The following E2F5 variants were observed in gnomAD, a reference collection of about 807,000 sequenced individuals.
E2F5 encodes E2F transcription factor 5, also known as transcription factor E2F5.
E2F5 carries 23 observed loss-of-function variants against 39.1 expected under a neutral mutation model. The ratio of observed to expected loss-of-function variants is 0.59; its 90% CI spans 0.42 to 0.83. The LOEUF is 0.83. Among genes scored for constraint, E2F5 ranks in the 40% least tolerant of loss-of-function variants. The probability of loss-of-function intolerance (pLI) is 0.00; values close to 1 mark genes in which losing one functional copy is unlikely to be tolerated. For missense variants in E2F5, 365 were observed against 406.7 expected, an observed-to-expected ratio of 0.90 and a Z score of 0.88; for synonymous variants, 145 against 157.8, an observed-to-expected ratio of 0.92 and a Z score of 0.61.
chr8:85,191,899 C>T (rs1463417446), intron 1 of E2F5, among the ~76,000 whole-genome samples: 1 of 152,172 alleles, frequency 6.6e-6, no homozygotes, highest in Non-Finnish European at 1.5e-5. Context: ...CATTCCTAGT[C>T]AGCAAGACAG....
At chr8:85,192,599 G>A (rs1049096713) in intron 1 of E2F5, among the ~76,000 whole-genome samples, 24 of 152,264 alleles carry the variant, frequency 1.6e-4, no homozygotes, top group Non-Finnish European at 2.9e-4. Context: ...GGATGCAACA[G>A]GACTTAATAG....
At chr8:85,181,180 A>C (rs1812205064) in intron 1 of E2F5, among the ~76,000 whole-genome samples, 1 of 152,140 alleles carries the variant, frequency 6.6e-6, no homozygotes, top group African/African-American at 2.4e-5. Flanking sequence ...CAGTTTTTGA[A>C]TATCCCAAAG....
intron 4 of E2F5, 132 bp from the exon 5 acceptor site, chr8:85,207,293 T>G (rs535148034): frequency 3.1e-6 from 2 of 649,684 alleles, no homozygotes; most frequent in Non-Finnish European, 5.2e-6. Context: ...TTTTATAGAA[T>G]TGAAAATCAA....
chr8:85,183,366 A>C (rs1355717255), intron 1 of E2F5, among the ~76,000 whole-genome samples: 1 of 152,236 alleles, frequency 6.6e-6, no homozygotes, highest in African/African-American at 2.4e-5. Flanking sequence ...ACTTTAGTGC[A>C]TGCTTACAAA....
chr8:85,177,277 G>A lies in E2F5; in HGVS notation c.-144G>A. On this transcript the variant is annotated 5_prime_UTR_variant, in exon 1 of 8. Transcript: ENST00000416274. ...AGACTCCCGTGGGCGCCGCACACCT[G>A]TTGTTTGCAGCAGCCAGCGACCCGC... 2 of 675,180 alleles carry A rather than the reference G, an allele frequency of 3.0e-6. No individual in the cohort carries two copies. Among genetic ancestry groups the A allele is most frequent in the Non-Finnish European group, 1.8e-6 (1 of 546,042 alleles). 41.8% of individuals were successfully genotyped at this position (675,180 alleles called of 1,614,324 possible).
At chr8:85,200,306 A>G (rs1190664759) in intron 1 of E2F5, 2 of 955,182 alleles carry the variant, frequency 2.1e-6, no homozygotes, top group East Asian at 1.1e-4. Flanking sequence ...ATTCTTTTAC[A>G]TATGATCTGT....
chr8:85,191,864 AT>A (rs1460808470), intron 1 of E2F5, among the ~76,000 whole-genome samples: 1 of 152,208 alleles, frequency 6.6e-6, no homozygotes, highest in African/African-American at 2.4e-5. Context: ...ACAAATAGCT[AT>A]TAGTTTTGAG....
chr8:85,180,897 A>G (rs988679753), intron 1 of E2F5, among the ~76,000 whole-genome samples: 1 of 150,892 alleles, frequency 6.6e-6, no homozygotes, highest in Admixed American at 6.6e-5. Context: ...TTGTTTTTTG[A>G]GACAGGGTCT....
chr8:85,203,064 T>A, intron 2 of E2F5, 30 bp from the exon 3 acceptor site: 1 of 1,406,006 alleles, frequency 7.1e-7, no homozygotes, highest in Non-Finnish European at 9.3e-7. Context: ...GATCTGATAC[T>A]GAGGATATTA....
intron 3 of E2F5, among the ~76,000 whole-genome samples, chr8:85,203,913 C>G (rs1022724176): frequency 1.3e-5 from 2 of 150,468 alleles, no homozygotes; most frequent in African/African-American, 4.9e-5. Context: ...TTCTTACAAA[C>G]CACCGTCTTC....
chr8:85,214,352 G>A lies in E2F5; in HGVS notation c.*490G>A. ...AACTGTTTCAGTGAACAGATTTTGT[G>A]AAGTGCCTTCTGTTTTAGCACTTTA... On this transcript the variant is annotated 3_prime_UTR_variant, in exon 8 of 8. Transcript: ENST00000416274. 2 of 599,560 alleles carry A rather than the reference G, an allele frequency of 3.3e-6. No individual in the cohort carries two copies. Among genetic ancestry groups the A allele is most frequent in the Non-Finnish European group, 5.9e-6 (2 of 338,084 alleles). 37.1% of individuals were successfully genotyped at this position (599,560 alleles called of 1,614,324 possible).
intron 1 of E2F5, 175 bp from the exon 2 acceptor site, chr8:85,201,972 C>T: frequency 1.7e-6 from 1 of 585,560 alleles, no homozygotes; most frequent in Non-Finnish European, 3.0e-6. Context: ...GGAATAATTT[C>T]TTTGGTATTT....
chr8:85,209,234 T>G lies in E2F5; in HGVS notation c.708T>G (p.Ser236=), dbSNP rs1812864650. The G allele has an allele frequency of 6.2e-7, 1 of 1,613,926 alleles. No individual in the cohort carries two copies. The highest frequency in any genetic ancestry group is 8.5e-7 in the Non-Finnish European group (1 of 1,179,908). ...VLLINKESSS[S]KPVVFPVPPP... is the part of the protein sequence containing the mutation. ...TTATAAATAAAGAGTCGAGTTCATC[T>G]AAGCCCGTGGTTTTTCCTGTTCCCC... The change falls in exon 6 of 8, where the codon TCT becomes TCG. Residue 236 remains serine, a synonymous_variant. Coordinates refer to ENST00000416274, the MANE Select transcript of E2F5 (RefSeq NM_001951.4).
At chr8:85,199,943 ACTT>A (rs1002053327) in intron 1 of E2F5, among the ~76,000 whole-genome samples, 1 of 152,150 alleles carries the variant, frequency 6.6e-6, no homozygotes, top group East Asian at 1.9e-4. Flanking sequence ...TAGCTTCAGA[ACTT>A]CTTAAGAATG....
chr8:85,210,115 C>T (rs918851234), intron 6 of E2F5, among the ~76,000 whole-genome samples: 1 of 152,204 alleles, frequency 6.6e-6, no homozygotes, highest in Non-Finnish European at 1.5e-5. Context: ...GGCAATCTCT[C>T]AGTGACTACT....
At chr8:85,183,144 C>G (rs751642381) in intron 1 of E2F5, among the ~76,000 whole-genome samples, 7 of 152,096 alleles carry the variant, frequency 4.6e-5, no homozygotes, top group Non-Finnish European at 8.8e-5. Flanking sequence ...CCTAGCTACT[C>G]AGGAGGCTGA....
chr8:85,177,905 A>G (rs966868096), intron 1 of E2F5: 9 of 499,062 alleles, frequency 1.8e-5, no homozygotes, highest in African/African-American at 4.1e-5. Flanking sequence ...GCTCTCGACA[A>G]AGAGCCCAGG....
At chr8:85,182,999 C>A (rs1448399924) in intron 1 of E2F5, among the ~76,000 whole-genome samples, 2 of 152,156 alleles carry the variant, frequency 1.3e-5, no homozygotes, top group Admixed American at 1.3e-4. Flanking sequence ...CGCCTGTAAT[C>A]CCAGCACTTT....
At chr8:85,188,640 G>C (rs748131684) in intron 1 of E2F5, among the ~76,000 whole-genome samples, 2 of 152,146 alleles carry the variant, frequency 1.3e-5, no homozygotes, top group Non-Finnish European at 2.9e-5. Flanking sequence ...CCTGGCATTG[G>C]TGCAGCCCAG....
Sources: gnomAD v4.1 joint callset for allele counts (sites outside exome capture counted in the v4.1 genomes callset) on GRCh38, gnomAD v4.1.1 for gene constraint, MANE v1.5 for transcripts, NCBI Gene and HGNC (gene_info 2026-07-23, HGNC 2026-07-21) for gene names.